Variants in MOV10L1 observed in about 807,000 individuals in gnomAD.
MOV10L1 encodes the protein RNA helicase Mov10l1.
A neutral mutation model predicts 143.8 loss-of-function variants in MOV10L1; 110 were observed. The observed-to-expected ratio is 0.76, with a 90% CI of 0.66 to 0.90. MOV10L1 has a LOEUF of 0.90. Among genes scored for constraint, MOV10L1 ranks in the 40% least tolerant of loss-of-function variants. The pLI is 0.00. For synonymous variants in MOV10L1, 593 were observed against 581.1 expected (o/e 1.02, Z -0.29); for missense variants, 1,406 against 1,526.8 (o/e 0.92, Z 1.32).
At chr22:50,134,273 G>A (rs975279634) in intron 14 of MOV10L1, among the ~76,000 whole-genome samples, 4 of 151,984 alleles carry the variant, frequency 2.6e-5, no homozygotes, top group Non-Finnish European at 4.4e-5. Context: ...TTAAATAACC[G>A]AAAATAAATT....
chr22:50,117,441 C>T lies in MOV10L1; in HGVS notation c.1454+90C>T, dbSNP rs145219953. On this transcript the variant is annotated intron_variant, in intron 9 of 26. Coordinates refer to ENST00000262794, the MANE Select transcript of MOV10L1 (RefSeq NM_018995.3). ...GTGCACTGGCAAGCGGTGGCTACCA[C>T]CTGGCTGGGGAGGTATAAAGGGGAT... 1,491 of 1,389,848 alleles carry T rather than the reference C, an allele frequency of 1.1e-3. 16 individuals are homozygous for T. The African/African-American group carries it at 0.018, about 17-fold the overall frequency. 86.1% of individuals were successfully genotyped at this position (1,389,848 alleles called of 1,614,324 possible).
chr22:50,151,312 C>T (rs2063292350), intron 21 of MOV10L1, among the ~76,000 whole-genome samples: 1 of 152,176 alleles, frequency 6.6e-6, no homozygotes, highest in African/African-American at 2.4e-5. Flanking sequence ...CTTTGGAGCC[C>T]CCAGCACACT....
Position 50,092,023 on chromosome 22 carries a change from A to T in MOV10L1, c.120A>T (p.Val40=). The stretch of plus-strand genomic sequence containing the variant: ...CAGGTGACACTAAGCTGAAAACTGT[A>T]CGGGGTGTCGTGACAAGGTACTGCA... The part of the protein sequence containing the change: ...LAEGDTKLKT[V]RGVVTRYCSD... The change falls in exon 2 of 27, where the codon GTA becomes GTT. Residue 40 remains valine, a synonymous_variant. Coordinates refer to ENST00000262794, the MANE Select transcript of MOV10L1 (RefSeq NM_018995.3). The T allele has an allele frequency of 6.2e-7, 1 of 1,613,970 alleles. No individual in the cohort carries two copies.
At position 50,142,111 on chromosome 22, in the gene MOV10L1, C is replaced by T. The variant is rs1443923022; in HGVS notation, c.2101C>T (p.His701Tyr). 1 of 1,612,158 alleles carries T rather than the reference C, an allele frequency of 6.2e-7. No individual in the cohort carries two copies. The highest frequency in any genetic ancestry group is 8.5e-7 in the Non-Finnish European group (1 of 1,179,298). Residue 701 changes from histidine (H) to tyrosine (Y), a missense_variant, in exon 16 of 27, where the codon CAT becomes TAT. Transcript: ENST00000262794. Reference sequence around the variant, plus strand: ...GAAAACAATGACGGACCAAGCTGAGCATGGAACAGAGGAGAGGCGTGTTGG... The same window carrying T: ...GAAAACAATGACGGACCAAGCTGAGTATGGAACAGAGGAGAGGCGTGTTGG... ...NRKTMTDQAE[H>Y]GTEERRVGDK...
chr22:50,153,253 C>A, intron 22 of MOV10L1, 35 bp downstream of exon 22: 2 of 1,584,584 alleles, frequency 1.3e-6, no homozygotes, highest in Non-Finnish European at 1.7e-6. Context: ...GTGACCGTGT[C>A]GGGTAAGGAC....
chr22:50,094,621 G>C (rs771770085), intron 2 of MOV10L1: 12 of 152,132 alleles, frequency 7.9e-5, no homozygotes, highest in African/African-American at 2.9e-4. Flanking sequence ...GGATGGTCTC[G>C]ATCTCCTGAC....
chr22:50,160,560 CT>C (rs1569057782), intron 24 of MOV10L1, 127 bp from the exon 25 acceptor site: 2 of 1,276,456 alleles, frequency 1.6e-6, no homozygotes, highest in Non-Finnish European at 2.1e-6. Flanking sequence ...CCTCCTGTTT[CT>C]TTTTGAACCA....
intron 20 of MOV10L1, among the ~76,000 whole-genome samples, chr22:50,150,141 C>T (rs1291192817): frequency 6.6e-6 from 1 of 152,226 alleles, no homozygotes; most frequent in African/African-American, 2.4e-5. Flanking sequence ...CTGATGGTGG[C>T]GTGGGCATCA....
At chr22:50,141,917 T>A (rs760262591) in intron 15 of MOV10L1, among the ~76,000 whole-genome samples, 164 bp from the exon 16 acceptor site, 3 of 152,202 alleles carry the variant, frequency 2.0e-5, no homozygotes, top group Non-Finnish European at 4.4e-5. Flanking sequence ...ATCTGATCGT[T>A]TGTTTTTTCT....
intron 3 of MOV10L1, among the ~76,000 whole-genome samples, chr22:50,103,608 G>A (rs998929048): frequency 8.5e-5 from 13 of 152,168 alleles, no homozygotes; most frequent in African/African-American, 3.1e-4. Context: ...TGGCCTGAAG[G>A]TGGGGTCTGA....
intron 22 of MOV10L1, among the ~76,000 whole-genome samples, chr22:50,156,078 A>T (rs546990078): frequency 6.6e-6 from 1 of 151,870 alleles, no homozygotes; most frequent in East Asian, 1.9e-4. Context: ...ATTCATTCAT[A>T]AATAAATGTA....
At chr22:50,144,471 T>C (rs1431205260) in intron 18 of MOV10L1, among the ~76,000 whole-genome samples, 2 of 152,274 alleles carry the variant, frequency 1.3e-5, no homozygotes, top group Non-Finnish European at 2.9e-5. Context: ...TCACACCTAT[T>C]GTGGGCATTC....
intron 19 of MOV10L1, 25 bp from the exon 20 acceptor site, chr22:50,149,590 A>G (rs6010144): frequency 1.2e-6 from 2 of 1,610,202 alleles, no homozygotes; most frequent in African/African-American, 1.3e-5. Context: ...GGCAGAAATT[A>G]CCATTTAGAA....
chr22:50,120,517 A>C lies in MOV10L1; in HGVS notation c.1470A>C (p.Gln490His). The C allele has an allele frequency of 6.2e-7, 1 of 1,610,246 alleles. No homozygotes were observed. Among genetic ancestry groups the C allele is most frequent in the Non-Finnish European group, 8.5e-7 (1 of 1,177,762 alleles). ...VTAQKRNSRR[Q>H]LPSFLPQYPI... ...ATTTTTTAAGGAACTCAAGACGACAACTTCCAAGTTTTCTTCCCCAATATC... is the reference window on the plus strand; with the variant it reads ...ATTTTTTAAGGAACTCAAGACGACACCTTCCAAGTTTTCTTCCCCAATATC... Residue 490 changes from glutamine (Q) to histidine (H), a missense_variant, in exon 10 of 27, where the codon CAA (glutamine) becomes CAC (histidine). Physicochemically the swap from Gln to His is conservative, Grantham distance 24 (BLOSUM62 0). Coordinates refer to ENST00000262794, the MANE Select transcript of MOV10L1 (RefSeq NM_018995.3).
intron 9 of MOV10L1, 64 bp from the exon 10 acceptor site, chr22:50,120,438 A>G: frequency 6.8e-6 from 7 of 1,027,406 alleles, no homozygotes; most frequent in Non-Finnish European, 1.0e-5. Context: ...ATGTTTAGGT[A>G]AGAATGTCTA....
At chr22:50,122,953 G>T (rs1252063277) in intron 10 of MOV10L1, among the ~76,000 whole-genome samples, 2 of 151,934 alleles carry the variant, frequency 1.3e-5, no homozygotes, top group Non-Finnish European at 2.9e-5. Flanking sequence ...CTCCCAAAGT[G>T]TTGGAATTAC....
intron 13 of MOV10L1, among the ~76,000 whole-genome samples, chr22:50,129,604 G>T (rs142398552): frequency 6.6e-6 from 1 of 152,292 alleles, no homozygotes; most frequent in African/African-American, 2.4e-5. Context: ...GGGATTGCTG[G>T]GTTTGGGGTT....
At position 50,159,571 on chromosome 22, in the gene MOV10L1, C is replaced by T. The variant is rs1165236954; in HGVS notation, c.3217-107C>T. 6 of 657,288 alleles carry T rather than the reference C, an allele frequency of 9.1e-6. No individual in the cohort carries two copies. Among genetic ancestry groups the T allele is most frequent in the Non-Finnish European group, 1.5e-5 (6 of 399,890 alleles). 40.7% of individuals were successfully genotyped at this position (657,288 alleles called of 1,614,324 possible). A position where few individuals can be genotyped will look rare whatever the true frequency, so the allele number is the denominator to read the frequency against. ...GAGCCGAGATCACGCCACTGCACTG[C>T]AGCCTGGGTGACAGAGTAATACTCC... On this transcript the variant is annotated intron_variant, in intron 23 of 26. Coordinates refer to ENST00000262794, the MANE Select transcript of MOV10L1 (RefSeq NM_018995.3). This position sits in a 1 kb window ranked among gnomAD's most constrained non-coding sequence, Gnocchi z 4.1.
intron 15 of MOV10L1, among the ~76,000 whole-genome samples, chr22:50,137,310 G>A (rs564921747): frequency 5.9e-5 from 9 of 152,188 alleles, no homozygotes; most frequent in South Asian, 4.1e-4. Flanking sequence ...GTGGAGACAC[G>A]AAAGATATAT....
Sources: gnomAD v4.1 joint callset for allele counts (sites outside exome capture counted in the v4.1 genomes callset) on GRCh38, gnomAD v4.1.1 for gene constraint, Gnocchi (gnomAD v3.1) non-coding constraint, MANE v1.5 for transcripts, NCBI Gene and HGNC (gene_info 2026-07-23, HGNC 2026-07-21) for gene names.